Variants in TTC28 observed in about 807,000 individuals in gnomAD.
TTC28 encodes tetratricopeptide repeat domain 28.
In TTC28, 61 loss-of-function variants were observed where a neutral mutation model predicts 198.0. The observed-to-expected ratio is 0.31, with a 90% CI of 0.25 to 0.38. The LOEUF (loss-of-function observed/expected upper bound fraction) is 0.38. Among genes scored for constraint, TTC28 ranks in the 10% least tolerant of loss-of-function variants. The probability of loss-of-function intolerance (pLI) is 1.00; values close to 1 mark genes in which losing one functional copy is unlikely to be tolerated. For synonymous variants in TTC28, 1,171 were observed against 1,297.8 expected (o/e 0.90, Z 2.10); for missense variants, 2,678 against 3,164.0 (o/e 0.85, Z 3.69).
rs539644458 is a variant in TTC28 at position 28,221,523 on chromosome 22, T to C, written c.934-57924A>G. ...GATAGTTTCTCATTGCTTAGGACAC[T>C]GGGTAGATTCTAAATCCACAGTATG... On this transcript the variant is annotated intron_variant, in intron 5 of 22. Coordinates refer to ENST00000397906, the MANE Select transcript of TTC28 (RefSeq NM_001145418.2). Among the ~76,000 whole-genome samples the C allele has an allele frequency of 2.6e-5, 4 of 152,282 alleles. No homozygotes were observed. The East Asian group carries it at 7.7e-4, about 29-fold the overall frequency.
rs537160210 is a variant in TTC28 at position 28,552,537 on chromosome 22, A to T, written c.381+77015T>A. Among the ~76,000 whole-genome samples, 7 of 152,330 alleles carry T rather than the reference A, an allele frequency of 4.6e-5. No homozygotes were observed. The South Asian group carries it at 1.4e-3, about 32-fold the overall frequency. On this transcript the variant is annotated intron_variant, in intron 2 of 22. Transcript: ENST00000397906. ...TACTGGTATAAAAATAGGCACATAGACCAATGAAACAGAATGGAGAATCCA... is the reference window on the plus strand; with the variant it reads ...TACTGGTATAAAAATAGGCACATAGTCCAATGAAACAGAATGGAGAATCCA...
At chr22:28,273,212 A>G (rs1365648392) in intron 5 of TTC28, among the ~76,000 whole-genome samples, 1 of 152,204 alleles carries the variant, frequency 6.6e-6, no homozygotes. Context: ...AGATAATACC[A>G]TTGAGATTCT....
intron 9 of TTC28, among the ~76,000 whole-genome samples, chr22:28,099,637 G>T (rs999024198): frequency 6.6e-6 from 1 of 152,122 alleles, no homozygotes; most frequent in South Asian, 2.1e-4. Context: ...CAGACAAAGG[G>T]ATCTAAAAGA....
chr22:28,677,206 A>C (rs2052011001), intron 1 of TTC28, among the ~76,000 whole-genome samples: 1 of 146,148 alleles, frequency 6.8e-6, no homozygotes, highest in Non-Finnish European at 1.5e-5. Context: ...ATATATACAC[A>C]CATATATATT....
In TTC28 at chr22:28,374,676, T is replaced by TTTTGTTTG. The variant is rs922528787; in HGVS notation, c.382-68041_382-68034dup. Among the ~76,000 whole-genome samples, 3 of 151,992 alleles carry TTTTGTTTG rather than the reference T, an allele frequency of 2.0e-5. 1 individual carries two copies. The South Asian group carries it at 6.2e-4, about 32-fold the overall frequency. On this transcript the variant is annotated intron_variant, in intron 2 of 22. Transcript: ENST00000397906. The stretch of plus-strand genomic sequence containing the variant: ...CAAAGTGATATACAAATATTAAGTT[T>TTTTGTTTG]TTTGTTTGTTTGTTTGTTTGTTTGA...
intron 6 of TTC28, among the ~76,000 whole-genome samples, chr22:28,128,282 C>A (rs1448729930): frequency 6.6e-6 from 1 of 151,916 alleles, no homozygotes; most frequent in Non-Finnish European, 1.5e-5. Context: ...TGCGCCATTA[C>A]ACTCCAGCCT....
intron 2 of TTC28, among the ~76,000 whole-genome samples, chr22:28,336,411 T>C (rs1182160516): frequency 6.6e-6 from 1 of 152,214 alleles, no homozygotes; most frequent in Non-Finnish European, 1.5e-5. Context: ...TCAGAAGGAA[T>C]GGTACCAGTT....
intron 6 of TTC28, among the ~76,000 whole-genome samples, chr22:28,152,858 A>T (rs998852528): frequency 3.9e-5 from 6 of 152,342 alleles, no homozygotes; most frequent in African/African-American, 1.4e-4. Context: ...CCAATGTATA[A>T]CAATTAAAAT....
intron 2 of TTC28, among the ~76,000 whole-genome samples, chr22:28,478,275 A>G (rs995674712): frequency 1.3e-5 from 2 of 152,168 alleles, no homozygotes; most frequent in Non-Finnish European, 2.9e-5. Flanking sequence ...TGGAAGGCCG[A>G]GGCAAGCGGA....
intron 6 of TTC28, among the ~76,000 whole-genome samples, chr22:28,156,283 C>G (rs1223950846): frequency 6.6e-6 from 1 of 152,172 alleles, no homozygotes; most frequent in Non-Finnish European, 1.5e-5. Flanking sequence ...AAACGCAAGT[C>G]AGGGTCAGAA....
At position 28,316,256 on chromosome 22, in the gene TTC28, C is replaced by A. The variant is rs183112221; in HGVS notation, c.382-9613G>T. Among the ~76,000 whole-genome samples the A allele has an allele frequency of 9.1e-4, 139 of 152,244 alleles. 1 individual carries two copies. Among genetic ancestry groups the A allele is most frequent in the African/African-American group, 3.2e-3 (132 of 41,546 alleles). On this transcript the variant is annotated intron_variant, in intron 2 of 22. Coordinates refer to ENST00000397906, the MANE Select transcript of TTC28 (RefSeq NM_001145418.2). ...TCTGTGCCTGCAGGCTGTTCTTTTGCTTGAAAGAATTCAACAGATGACCTA... is the reference window on the plus strand; with the variant it reads ...TCTGTGCCTGCAGGCTGTTCTTTTGATTGAAAGAATTCAACAGATGACCTA...
chr22:28,095,870 T>C (rs552948431), intron 11 of TTC28, among the ~76,000 whole-genome samples: 3 of 152,226 alleles, frequency 2.0e-5, no homozygotes, highest in Non-Finnish European at 2.9e-5. Context: ...CTTGCAGTCA[T>C]CACTTTATTA....
intron 1 of TTC28, among the ~76,000 whole-genome samples, chr22:28,654,330 AAT>A (rs1003118405): frequency 6.6e-6 from 1 of 152,038 alleles, no homozygotes; most frequent in Non-Finnish European, 1.5e-5. Context: ...GCTTAAAATA[AAT>A]ATATATATTT....
At chr22:28,584,595 G>A (rs2050284590) in intron 2 of TTC28, among the ~76,000 whole-genome samples, 1 of 152,188 alleles carries the variant, frequency 6.6e-6, no homozygotes, top group Admixed American at 6.5e-5. Context: ...GTAACTAAGA[G>A]ACTGTTTTTT....
intron 7 of TTC28, 49 bp downstream of exon 7, chr22:28,107,013 T>C: frequency 6.7e-7 from 1 of 1,493,316 alleles, no homozygotes. Context: ...CTGCCACAAA[T>C]GCTCTTTTTG....
chr22:28,412,488 A>C (rs547342648), intron 2 of TTC28, among the ~76,000 whole-genome samples: 79 of 152,314 alleles, frequency 5.2e-4, no homozygotes, highest in Non-Finnish European at 1.0e-3. Flanking sequence ...CCTTCACAAT[A>C]TGACCCTATC....
chr22:28,528,446 T>C (rs767833691), intron 2 of TTC28, among the ~76,000 whole-genome samples: 5 of 151,986 alleles, frequency 3.3e-5, no homozygotes, highest in Admixed American at 1.3e-4. Context: ...AAACCCAGTG[T>C]AGGCCAGGCA....
chr22:28,363,454 A>G (rs1027407451), intron 2 of TTC28, among the ~76,000 whole-genome samples: 1 of 152,166 alleles, frequency 6.6e-6, no homozygotes, highest in Non-Finnish European at 1.5e-5. Flanking sequence ...CCTCATGGAG[A>G]ACCTCTGCTA....
At chr22:28,579,073 T>C (rs1212332244) in intron 2 of TTC28, among the ~76,000 whole-genome samples, 5 of 151,842 alleles carry the variant, frequency 3.3e-5, no homozygotes, top group Non-Finnish European at 5.9e-5. Context: ...TACGTGTATA[T>C]AGCTATACAT....
Sources: allele counts gnomAD v4.1 joint callset (sites outside exome capture counted in the v4.1 genomes callset), GRCh38; gene constraint gnomAD v4.1.1; transcripts MANE v1.5; gene names NCBI Gene and HGNC (gene_info 2026-07-23, HGNC 2026-07-21).